PSMB1: variants seen among roughly 807,000 people sequenced by gnomAD.
PSMB1 encodes the protein proteasome 20S subunit beta 1, also known as proteasome subunit beta type-1.
Under a neutral mutation model 25.4 loss-of-function variants are expected in PSMB1, and 7 were observed. The observed-to-expected ratio is 0.28, with a 90% CI of 0.16 to 0.52. PSMB1 has a LOEUF of 0.52. Among genes scored for constraint, PSMB1 ranks in the 20% least tolerant of loss-of-function variants. The pLI, the probability that PSMB1 is intolerant of heterozygous loss-of-function variation, is 0.97. For synonymous variants in PSMB1, 119 were observed against 115.0 expected (o/e 1.03, Z -0.22); for missense variants, 284 against 302.2 (o/e 0.94, Z 0.45).
chr6:170,537,448 C>A, intron 4 of PSMB1, 108 bp from the exon 5 acceptor site: 1 of 825,234 alleles, frequency 1.2e-6, no homozygotes, highest in Admixed American at 2.2e-5. Context: ...ATCACCTTGG[C>A]TAAAACTTCA....
intron 1 of PSMB1, among the ~76,000 whole-genome samples, chr6:170,551,186 A>T (rs1778895891): frequency 6.6e-6 from 1 of 152,150 alleles, no homozygotes; most frequent in South Asian, 2.1e-4. Context: ...GGGAATAATT[A>T]GCTTGCTTTT....
chr6:170,539,727 C>T (rs1258393116), intron 4 of PSMB1, among the ~76,000 whole-genome samples: 2 of 152,176 alleles, frequency 1.3e-5, no homozygotes, highest in South Asian at 2.1e-4. Context: ...TTCAACTACT[C>T]GAAGTTTATT....
intron 1 of PSMB1, among the ~76,000 whole-genome samples, chr6:170,552,399 A>T (rs922568521): frequency 2.6e-5 from 4 of 152,192 alleles, no homozygotes; most frequent in African/African-American, 9.7e-5. Flanking sequence ...AAATTATACT[A>T]CTCAAGATAA....
chr6:170,544,562 CTT>C (rs1194538429), intron 3 of PSMB1, among the ~76,000 whole-genome samples: 2 of 152,116 alleles, frequency 1.3e-5, no homozygotes, highest in African/African-American at 4.8e-5. Context: ...TAATGAGAAA[CTT>C]AATGGCCAGG....
At chr6:170,547,041 G>A (rs1027767192) in intron 2 of PSMB1, among the ~76,000 whole-genome samples, 2 of 152,142 alleles carry the variant, frequency 1.3e-5, no homozygotes, top group African/African-American at 4.8e-5. Flanking sequence ...GAGCCTCTAT[G>A]TTACTCAGAA....
intron 4 of PSMB1, among the ~76,000 whole-genome samples, chr6:170,540,066 G>C (rs1778739275): frequency 6.7e-6 from 1 of 150,040 alleles, no homozygotes; most frequent in Non-Finnish European, 1.5e-5. Flanking sequence ...AAAAACTAAA[G>C]CCACTTTTAA....
intron 4 of PSMB1, among the ~76,000 whole-genome samples, chr6:170,541,190 G>A (rs2206284): frequency 0.44 from 66,992 of 151,860 alleles, 15,200 homozygotes; most frequent in East Asian, 0.77. Context: ...CCTGGAGCAA[G>A]GGGAAAAGGG....
chr6:170,541,941 GT>G (rs2114977140), intron 4 of PSMB1, among the ~76,000 whole-genome samples: 1 of 152,266 alleles, frequency 6.6e-6, no homozygotes, highest in South Asian at 2.1e-4. Flanking sequence ...TATTTTTAAT[GT>G]TGCTAAAATC....
chr6:170,535,488 G>A (rs1001151065), intron 5 of PSMB1, 83 bp from the exon 6 acceptor site: 2 of 1,175,940 alleles, frequency 1.7e-6, no homozygotes, highest in Non-Finnish European at 2.4e-6. Context: ...ATACCCTCAT[G>A]TGTACGAGGA....
rs1487201504 is a variant in PSMB1, at chr6:170,535,145, C to T, written c.*75G>A. ...TACTTCAGGTTTCTCTTTTAATAAA[C>T]AAAACCATCCAAGGTACAGTTCCAA... On this transcript the variant is annotated 3_prime_UTR_variant, in exon 6 of 6. Coordinates refer to ENST00000262193, the MANE Select transcript of PSMB1 (RefSeq NM_002793.4). 1 of 1,363,666 alleles carries T rather than the reference C, an allele frequency of 7.3e-7. No homozygotes were observed. The highest frequency in any genetic ancestry group is 1.5e-5 in the African/African-American group (1 of 68,514). 84.5% of individuals were successfully genotyped at this position (1,363,666 alleles called of 1,614,324 possible).
intron 5 of PSMB1, chr6:170,536,537 C>T (rs967703872): frequency 4.4e-6 from 2 of 454,542 alleles, no homozygotes; most frequent in Middle Eastern, 4.4e-4. Context: ...TGGTTGTCCA[C>T]CACTCCAGAC....
At chr6:170,535,745 A>C (rs1431707714) in intron 5 of PSMB1, among the ~76,000 whole-genome samples, 2 of 152,234 alleles carry the variant, frequency 1.3e-5, no homozygotes, top group African/African-American at 4.8e-5. Flanking sequence ...TCCTAGAAGA[A>C]GACAGGCTTC....
intron 3 of PSMB1, among the ~76,000 whole-genome samples, chr6:170,545,841 C>T (rs1440404569): frequency 2.6e-5 from 4 of 152,156 alleles, no homozygotes; most frequent in Non-Finnish European, 4.4e-5. Flanking sequence ...AAGAAGAACT[C>T]CTCCCAGGCT....
chr6:170,536,261 A>G, intron 5 of PSMB1: 1 of 392,700 alleles, frequency 2.5e-6, no homozygotes, highest in Non-Finnish European at 5.0e-6. Flanking sequence ...ACAAATGTAT[A>G]AACTATATGT....
chr6:170,540,823 A>T (rs1450889130), intron 4 of PSMB1, among the ~76,000 whole-genome samples: 1 of 152,158 alleles, frequency 6.6e-6, no homozygotes, highest in African/African-American at 2.4e-5. Context: ...GCTAAAATTA[A>T]GGAAATCTTC....
Position 170,543,683 on chromosome 6 carries a change from A to G in PSMB1, c.351T>C (p.Ala117=). ...AATACAGGATTGTAGACAGCATTGC[A>G]GCAATTGCCCCCGTAGTCATGGCCT... ...NNKAMTTGAI[A]AMLSTILYSR... is the part of the protein sequence containing the mutation. Residue 117 remains alanine, a synonymous_variant, in exon 4 of 6, where the codon GCT becomes GCC. Coordinates refer to ENST00000262193, the MANE Select transcript of PSMB1 (RefSeq NM_002793.4). 2 of 1,612,790 alleles carry G rather than the reference A, an allele frequency of 1.2e-6. No individual in the cohort carries two copies. The highest frequency in any genetic ancestry group is 1.7e-6 in the Non-Finnish European group (2 of 1,178,908).
intron 1 of PSMB1, chr6:170,549,358 C>T: frequency 2.3e-6 from 1 of 441,272 alleles, no homozygotes; most frequent in Non-Finnish European, 4.0e-6. Flanking sequence ...ACAGAAAAGC[C>T]AATGAATTAT....
intron 1 of PSMB1, chr6:170,550,352 G>C (rs1778875459): frequency 6.6e-6 from 1 of 152,198 alleles, no homozygotes. Flanking sequence ...TTTATGTGAT[G>C]GACAGGGTTC....
intron 1 of PSMB1, 110 bp downstream of exon 1, chr6:170,553,020 T>C (rs1778933964): frequency 2.1e-6 from 2 of 935,360 alleles, no homozygotes; most frequent in Non-Finnish European, 3.3e-6. Flanking sequence ...CTCAGGGTTC[T>C]GAGGCCTGCA....
Sources: gnomAD v4.1 joint callset for allele counts (sites outside exome capture counted in the v4.1 genomes callset) on GRCh38, gnomAD v4.1.1 for gene constraint, MANE v1.5 for transcripts, NCBI Gene and HGNC (gene_info 2026-07-23, HGNC 2026-07-21) for gene names.